Variants in GRIK4 observed in about 807,000 individuals in gnomAD.
GRIK4 encodes glutamate ionotropic receptor kainate type subunit 4.
In GRIK4, 40 loss-of-function variants were observed where a neutral mutation model predicts 104.9. The observed-to-expected ratio is 0.38, with a 90% CI of 0.30 to 0.50. The LOEUF (loss-of-function observed/expected upper bound fraction) is 0.50. Among genes scored for constraint, GRIK4 ranks in the 20% least tolerant of loss-of-function variants. The probability of loss-of-function intolerance (pLI) is 0.93; values close to 1 mark genes in which losing one functional copy is unlikely to be tolerated. For synonymous variants in GRIK4, 485 were observed against 524.9 expected (o/e 0.92, Z 1.04); for missense variants, 1,047 against 1,308.1 (o/e 0.80, Z 3.08).
chr11:120,751,071 G>A lies in GRIK4; in HGVS notation c.83-51622G>A, dbSNP rs540029717. On this transcript the variant is annotated intron_variant, in intron 3 of 20. Coordinates refer to ENST00000527524, the MANE Select transcript of GRIK4 (RefSeq NM_014619.5). ...TTGACCTGTGTACAGGGGACACAGG[G>A]TGGGAAGACCCCAGTGTGAGAAGCG... is the stretch of plus-strand genomic sequence containing the variant. Among the ~76,000 whole-genome samples, 67 of 152,270 alleles carry A rather than the reference G, an allele frequency of 4.4e-4. 1 individual carries two copies. The South Asian group carries it at 0.013, about 29-fold the overall frequency.
chr11:120,818,602 C>T (rs1376644020), intron 5 of GRIK4, among the ~76,000 whole-genome samples: 2 of 152,186 alleles, frequency 1.3e-5, no homozygotes, highest in Non-Finnish European at 2.9e-5. Context: ...CTCTTCCCAC[C>T]TCAGTCTCAG....
intron 3 of GRIK4, among the ~76,000 whole-genome samples, chr11:120,735,941 T>A (rs1445209413): frequency 1.3e-5 from 2 of 152,154 alleles, no homozygotes. Flanking sequence ...GTTAGCTCCC[T>A]TCTGTCCCAG....
At chr11:120,632,667 A>C (rs1431161219) in intron 1 of GRIK4, among the ~76,000 whole-genome samples, 3 of 151,934 alleles carry the variant, frequency 2.0e-5, no homozygotes, top group Admixed American at 2.0e-4. Context: ...CTCAACTCAC[A>C]CCACCCAGCA....
At chr11:120,732,458 A>G (rs1417542806) in intron 3 of GRIK4, among the ~76,000 whole-genome samples, 1 of 152,130 alleles carries the variant, frequency 6.6e-6, no homozygotes, top group East Asian at 1.9e-4. Flanking sequence ...AGGATGCATC[A>G]TTAGGTTATT....
chr11:120,941,157 T>C (rs1291550703), intron 14 of GRIK4, among the ~76,000 whole-genome samples: 1 of 152,238 alleles, frequency 6.6e-6, no homozygotes, highest in Non-Finnish European at 1.5e-5. Context: ...TAGCTGACTT[T>C]GCTAGTTTAT....
chr11:120,737,059 G>C (rs1302112843), intron 3 of GRIK4, among the ~76,000 whole-genome samples: 1 of 152,166 alleles, frequency 6.6e-6, no homozygotes, highest in Admixed American at 6.5e-5. Flanking sequence ...CGTTGCAATG[G>C]ATTGGAACCG....
At chr11:120,579,642 A>G (rs1948540907) in intron 1 of GRIK4, among the ~76,000 whole-genome samples, 2 of 152,026 alleles carry the variant, frequency 1.3e-5, no homozygotes, top group Admixed American at 6.5e-5. Flanking sequence ...GAGTTAAGCC[A>G]TGAGTAGCTG....
At chr11:120,582,000 G>A (rs572303280) in intron 1 of GRIK4, among the ~76,000 whole-genome samples, 53 of 151,566 alleles carry the variant, frequency 3.5e-4, no homozygotes, top group Non-Finnish European at 6.0e-4. Flanking sequence ...GTAGAGACGG[G>A]GTTTCACTGT....
At chr11:120,777,783 A>G (rs749974655) in intron 3 of GRIK4, among the ~76,000 whole-genome samples, 25 of 152,116 alleles carry the variant, frequency 1.6e-4, no homozygotes, top group Non-Finnish European at 3.5e-4. Flanking sequence ...CTAAAAATAC[A>G]AAAAGGAGCC....
chr11:120,847,523 A>T (rs1245766446), intron 8 of GRIK4, among the ~76,000 whole-genome samples: 1 of 152,178 alleles, frequency 6.6e-6, no homozygotes, highest in African/African-American at 2.4e-5. Context: ...AATCAATGGG[A>T]GTTAGTCAGG....
chr11:120,920,047 G>A (rs2134563636), intron 13 of GRIK4, among the ~76,000 whole-genome samples: 1 of 152,092 alleles, frequency 6.6e-6, no homozygotes, highest in Admixed American at 6.5e-5. Context: ...AGTAAAATGG[G>A]AGGAATGTGC....
chr11:120,783,945 G>A (rs1442278991), intron 3 of GRIK4, among the ~76,000 whole-genome samples: 2 of 152,164 alleles, frequency 1.3e-5, no homozygotes, highest in Non-Finnish European at 2.9e-5. Flanking sequence ...TTCGGCAGAC[G>A]ACTAAGGAGG....
At chr11:120,742,155 G>T (rs1951343557) in intron 3 of GRIK4, among the ~76,000 whole-genome samples, 1 of 152,130 alleles carries the variant, frequency 6.6e-6, no homozygotes, top group Non-Finnish European at 1.5e-5. Context: ...AGACCAGCCT[G>T]GCCAACATGG....
At position 120,930,193 on chromosome 11, in the gene GRIK4, C is replaced by T. The variant is rs1275929689; in HGVS notation, c.1477-10154C>T. 2.0e-5 allele frequency among the ~76,000 whole-genome samples: 3 copies of T among 152,216 alleles called. No homozygotes were observed. The East Asian group carries it at 5.8e-4, about 29-fold the overall frequency. ...CATGTCCTAGCTGCGTGTATTTGAG[C>T]AAATGATGAACCTCTCTGGGTCTCA... On this transcript the variant is annotated intron_variant, in intron 13 of 20. Transcript: ENST00000527524.
At chr11:120,610,946 A>T (rs1949030277) in intron 1 of GRIK4, among the ~76,000 whole-genome samples, 1 of 152,310 alleles carries the variant, frequency 6.6e-6, no homozygotes, top group Middle Eastern at 3.4e-3. Flanking sequence ...AGAACCACAG[A>T]GTCTCAGAAT....
intron 18 of GRIK4, among the ~76,000 whole-genome samples, chr11:120,965,268 T>C (rs1346002230): frequency 6.6e-6 from 1 of 152,198 alleles, no homozygotes; most frequent in African/African-American, 2.4e-5. Context: ...TGGTGTGTTC[T>C]GAGGTTGGGT....
chr11:120,615,074 C>T (rs1300922247), intron 1 of GRIK4, among the ~76,000 whole-genome samples: 1 of 152,178 alleles, frequency 6.6e-6, no homozygotes, highest in Non-Finnish European at 1.5e-5. Flanking sequence ...TCGTGGGTTT[C>T]GTTTGTGTCA....
Position 120,652,333 on chromosome 11 carries a change from G to A in GRIK4, c.-158-1352G>A, listed in dbSNP as rs547975050. ...CTCAGAGAGTTGACTCCCAGAGCTGGTGAGCACCCAGGTTCCTGATTCCTG... is the reference window on the plus strand; with the variant it reads ...CTCAGAGAGTTGACTCCCAGAGCTGATGAGCACCCAGGTTCCTGATTCCTG... On this transcript the variant is annotated intron_variant, in intron 1 of 20. Coordinates refer to ENST00000527524, the MANE Select transcript of GRIK4 (RefSeq NM_014619.5). Among the ~76,000 whole-genome samples the A allele has an allele frequency of 4.6e-5, 7 of 152,310 alleles. No homozygotes were observed. The East Asian group carries it at 1.4e-3, about 29-fold the overall frequency.
intron 6 of GRIK4, among the ~76,000 whole-genome samples, chr11:120,830,186 A>AG (rs1555074136): frequency 2.4e-4 from 36 of 147,978 alleles, no homozygotes; most frequent in African/African-American, 5.6e-4. Context: ...CTTCCTATGA[A>AG]GAAAAAAAAA....
Sources: gnomAD v4.1 joint callset for allele counts (sites outside exome capture counted in the v4.1 genomes callset) on GRCh38, gnomAD v4.1.1 for gene constraint, MANE v1.5 for transcripts, NCBI Gene and HGNC (gene_info 2026-07-23, HGNC 2026-07-21) for gene names.